The following DIP2A variants were observed in gnomAD, a reference collection of about 807,000 sequenced individuals.
The protein encoded by DIP2A is disco-interacting protein 2 homolog A.
In DIP2A, 85 loss-of-function variants were observed where a neutral mutation model predicts 177.4. The observed-to-expected ratio is 0.48, with a 90% CI of 0.40 to 0.57. DIP2A has a LOEUF of 0.57. Ranked by LOEUF, DIP2A falls within the 20% of genes least tolerant of loss-of-function variation. The pLI is 0.00. For synonymous variants in DIP2A, 886 were observed against 881.8 expected, an observed-to-expected ratio of 1.00 and a Z score of -0.08; for missense variants, 1,791 against 2,100.2, an observed-to-expected ratio of 0.85 and a Z score of 2.88.
chr21:46,528,131 C>A (rs545289698), intron 8 of DIP2A, among the ~76,000 whole-genome samples: 2 of 152,198 alleles, frequency 1.3e-5, no homozygotes, highest in African/African-American at 4.8e-5. Flanking sequence ...GGCATTGATA[C>A]CCGGATCACC....
chr21:46,461,058 A>G (rs2054255050), intron 1 of DIP2A, among the ~76,000 whole-genome samples: 1 of 151,758 alleles, frequency 6.6e-6, no homozygotes, highest in South Asian at 2.1e-4. Flanking sequence ...TGTAATCCCA[A>G]CACTTTGGGA....
At position 46,558,206 on chromosome 21, in the gene DIP2A, G is replaced by T; in HGVS notation, c.3799-17G>T. 1 of 1,601,616 alleles carries T rather than the reference G, an allele frequency of 6.2e-7. No individual in the cohort carries two copies. The highest frequency in any genetic ancestry group is 8.5e-7 in the Non-Finnish European group (1 of 1,174,486). On this transcript the variant is annotated splice_polypyrimidine_tract_variant and intron_variant, in intron 31 of 37. Coordinates refer to ENST00000417564, the MANE Select transcript of DIP2A (RefSeq NM_015151.4). ...ACTGAGCTGTGGCCGTGGCCTGACC[G>T]CTCACCCCTCCCGCAGATGAAGGGG...
At position 46,498,465 on chromosome 21, in the gene DIP2A, G is replaced by C; in HGVS notation, c.404-117G>C. 7.8e-7 allele frequency: 1 copy of C among 1,285,964 alleles called. No individual in the cohort carries two copies. Among genetic ancestry groups the C allele is most frequent in the South Asian group, 1.4e-5 (1 of 71,404 alleles). The allele number at this position is 1,285,964 out of a possible 1,614,324, so 79.7% of individuals were successfully genotyped here. On this transcript the variant is annotated intron_variant, in intron 4 of 37. Coordinates refer to ENST00000417564, the MANE Select transcript of DIP2A (RefSeq NM_015151.4). The surrounding 1 kb of genome is among the most constrained non-coding windows in gnomAD (Gnocchi z 4.3). Reference sequence around the variant, plus strand: ...ACTGCGTGGCTTTGGGCAGAGCTGTGCCAGGTGTACAGAAGCATGCTGCAC... The same window carrying C: ...ACTGCGTGGCTTTGGGCAGAGCTGTCCCAGGTGTACAGAAGCATGCTGCAC...
At chr21:46,465,945 G>A (rs1055567632) in intron 1 of DIP2A, among the ~76,000 whole-genome samples, 6 of 152,140 alleles carry the variant, frequency 3.9e-5, no homozygotes, top group African/African-American at 1.4e-4. Flanking sequence ...TGCAGTTATT[G>A]AGACTTGGGT....
At chr21:46,550,863 G>A in intron 23 of DIP2A, 119 bp downstream of exon 23, 5 of 1,068,698 alleles carry the variant, frequency 4.7e-6, no homozygotes, top group Non-Finnish European at 6.8e-6. Context: ...TTGGGGCTGG[G>A]GTCAAGAGCC....
chr21:46,556,221 T>G lies in DIP2A; in HGVS notation c.3498+130T>G, dbSNP rs1303778526. 1.4e-6 allele frequency: 2 copies of G among 1,434,612 alleles called. No homozygotes were observed. The highest frequency in any genetic ancestry group is 1.9e-6 in the Non-Finnish European group (2 of 1,035,472). The allele number at this position is 1,434,612 out of a possible 1,614,324, so 88.9% of individuals were successfully genotyped here. A position where few individuals can be genotyped will look rare whatever the true frequency, so the allele number is the denominator to read the frequency against. On this transcript the variant is annotated intron_variant, in intron 29 of 37. Coordinates refer to ENST00000417564, the MANE Select transcript of DIP2A (RefSeq NM_015151.4). The surrounding 1 kb of genome is among the most constrained non-coding windows in gnomAD (Gnocchi z 4.5). ...AGCACAAAGCAACAATTTTGCTTCT[T>G]AAGATTTGTGTTAAATACCAATAAA...
At chr21:46,530,485 T>A (rs1359656852) in intron 9 of DIP2A, among the ~76,000 whole-genome samples, 1 of 151,980 alleles carries the variant, frequency 6.6e-6, no homozygotes, top group Non-Finnish European at 1.5e-5. Context: ...CAGAAAACAA[T>A]GTTTCTAAAA....
chr21:46,550,086 C>T (rs2060216876), intron 22 of DIP2A: 1 of 1,327,078 alleles, frequency 7.5e-7, no homozygotes, highest in African/African-American at 1.5e-5. Context: ...TTTATGAATA[C>T]AATATAGAAT....
At chr21:46,461,191 G>A (rs1202445632) in intron 1 of DIP2A, among the ~76,000 whole-genome samples, 1 of 148,632 alleles carries the variant, frequency 6.7e-6, no homozygotes, top group Non-Finnish European at 1.5e-5. Context: ...CCAGCTACTT[G>A]GGAGGCTGAG....
At chr21:46,461,271 C>CAAAAAAA (rs60346777) in intron 1 of DIP2A, among the ~76,000 whole-genome samples, 1,103 of 49,276 alleles carry the variant, frequency 0.022, 110 homozygotes, top group African/African-American at 0.083. Context: ...CTCTTCTCAC[C>CAAAAAAA]AAAAAAAAAA....
At chr21:46,506,152 CTG>C (rs1225796638) in intron 6 of DIP2A, among the ~76,000 whole-genome samples, 1 of 152,154 alleles carries the variant, frequency 6.6e-6, no homozygotes, top group Non-Finnish European at 1.5e-5. Context: ...GAGTCTCACT[CTG>C]TTGCCCAGGC....
At chr21:46,475,390 A>G (rs2055756943) in intron 1 of DIP2A, among the ~76,000 whole-genome samples, 1 of 152,198 alleles carries the variant, frequency 6.6e-6, no homozygotes, top group Non-Finnish European at 1.5e-5. Context: ...ATTGTTATCT[A>G]CCTGTATGTC....
chr21:46,550,256 G>A, intron 22 of DIP2A: 1 of 620,542 alleles, frequency 1.6e-6, no homozygotes, highest in Non-Finnish European at 2.7e-6. Context: ...GAGGCTTTGT[G>A]CCCTTTCACC....
chr21:46,464,201 C>T (rs985673546), intron 1 of DIP2A, among the ~76,000 whole-genome samples: 1 of 151,542 alleles, frequency 6.6e-6, no homozygotes, highest in African/African-American at 2.4e-5. Flanking sequence ...CCAGACCAGC[C>T]TGACCAACAT....
intron 8 of DIP2A, among the ~76,000 whole-genome samples, chr21:46,518,426 C>T (rs180967315): frequency 1.2e-4 from 19 of 152,326 alleles, no homozygotes; most frequent in Admixed American, 3.9e-4. Flanking sequence ...TGAATTTTAG[C>T]TACTCTCGTG....
chr21:46,507,437 A>ACCAT (rs2058068966), intron 6 of DIP2A, among the ~76,000 whole-genome samples: 1 of 152,160 alleles, frequency 6.6e-6, no homozygotes, highest in Non-Finnish European at 1.5e-5. Flanking sequence ...GTGGGTATTC[A>ACCAT]GTTGTTCTAG....
At position 46,532,271 on chromosome 21, in the gene DIP2A, C is replaced by T. The variant is rs151121823; in HGVS notation, c.1305+34C>T. 20 of 1,559,696 alleles carry T rather than the reference C, an allele frequency of 1.3e-5. 1 individual carries two copies. The highest frequency in any genetic ancestry group is 6.9e-5 in the Admixed American group (4 of 58,322). On this transcript the variant is annotated intron_variant, in intron 10 of 37. Coordinates refer to ENST00000417564, the MANE Select transcript of DIP2A (RefSeq NM_015151.4). ...CCCATGGCTCAGGTCCCGTGTGGTTCGCTTCTGAACTTGATACCAGCAGTA... is the reference window on the plus strand; with the variant it reads ...CCCATGGCTCAGGTCCCGTGTGGTTTGCTTCTGAACTTGATACCAGCAGTA...
At position 46,556,119 on chromosome 21, in the gene DIP2A, C is replaced by G; in HGVS notation, c.3498+28C>G. On this transcript the variant is annotated intron_variant, in intron 29 of 37. Coordinates refer to ENST00000417564, the MANE Select transcript of DIP2A (RefSeq NM_015151.4). This position sits in a 1 kb window ranked among gnomAD's most constrained non-coding sequence, Gnocchi z 4.5. The stretch of plus-strand genomic sequence containing the variant: ...AGGTCCTCTGAAATCTTGTTTGCTT[C>G]AGCCCCTAGAAATCAGGAGGAGTGG... 1 of 1,588,342 alleles carries G rather than the reference C, an allele frequency of 6.3e-7. No homozygotes were observed. The highest frequency in any genetic ancestry group is 8.6e-7 in the Non-Finnish European group (1 of 1,156,902).
intron 36 of DIP2A, 33 bp from the exon 37 acceptor site, chr21:46,566,527 T>G: frequency 6.2e-7 from 1 of 1,613,678 alleles, no homozygotes; most frequent in African/African-American, 1.3e-5. Flanking sequence ...TGCCTTGGCT[T>G]TCTGGGCACG....
Sources: allele counts gnomAD v4.1 joint callset (sites outside exome capture counted in the v4.1 genomes callset), GRCh38; gene constraint gnomAD v4.1.1; non-coding constraint Gnocchi (gnomAD v3.1); transcripts MANE v1.5; gene names NCBI Gene and HGNC (gene_info 2026-07-23, HGNC 2026-07-21).